HIP1: variants seen among roughly 807,000 people sequenced by gnomAD.
HIP1 encodes the protein huntingtin-interacting protein 1.
A neutral mutation model predicts 147.6 loss-of-function variants in HIP1; 65 were observed. The observed-to-expected ratio is 0.44, with a 90% confidence interval of 0.36 to 0.54. The LOEUF is 0.54. HIP1 is among the 20% of genes least tolerant of loss of function. The pLI is 0.00. For synonymous variants in HIP1, 479 were observed against 504.0 expected (o/e 0.95, Z 0.67); for missense variants, 1,061 against 1,299.6 (o/e 0.82, Z 2.82).
intron 1 of HIP1, among the ~76,000 whole-genome samples, chr7:75,683,102 C>T (rs1800146347): frequency 6.6e-6 from 1 of 152,040 alleles, no homozygotes; most frequent in Admixed American, 6.6e-5. Context: ...CTTGCTCAGC[C>T]TCCCGAGCAG....
chr7:75,700,340 G>A (rs1465971563), intron 1 of HIP1, among the ~76,000 whole-genome samples: 1 of 152,150 alleles, frequency 6.6e-6, no homozygotes, highest in Non-Finnish European at 1.5e-5. Flanking sequence ...CTGACTTGTG[G>A]CGCCTGGCCC....
At chr7:75,539,507 A>T (rs1479001697) in intron 29 of HIP1, 76 bp from the exon 30 acceptor site, 1 of 1,223,728 alleles carries the variant, frequency 8.2e-7, no homozygotes, top group Non-Finnish European at 1.2e-6. Context: ...TTTTATAGAG[A>T]TGGGGTCTTG....
intron 1 of HIP1, among the ~76,000 whole-genome samples, chr7:75,722,130 C>A (rs1366207354): frequency 1.3e-5 from 2 of 151,888 alleles, no homozygotes; most frequent in African/African-American, 4.8e-5. Flanking sequence ...ATAGTGAGAC[C>A]CCCCCACGTC....
At chr7:75,584,390 C>T (rs1438556114) in intron 5 of HIP1, among the ~76,000 whole-genome samples, 1 of 152,176 alleles carries the variant, frequency 6.6e-6, no homozygotes, top group Admixed American at 6.6e-5. Context: ...CTTCCCCACT[C>T]TTGTATCGCT....
chr7:75,548,177 C>T (rs782557760), intron 23 of HIP1, among the ~76,000 whole-genome samples: 19 of 152,062 alleles, frequency 1.2e-4, no homozygotes, highest in Admixed American at 7.9e-4. Flanking sequence ...TACAGGCACG[C>T]GCCACCACGC....
Position 75,549,009 on chromosome 7 carries a change from C to T in HIP1, c.2296-8G>A. The T allele has an allele frequency of 1.3e-6, 2 of 1,597,730 alleles. No homozygotes were observed. Among genetic ancestry groups the T allele is most frequent in the East Asian group, 2.2e-5 (1 of 44,786 alleles). Reference sequence around the variant, plus strand: ...TCCCCTGGGCAGGAGCTCCTGTGAACACATCACAAAGGCTGAACTGACCTT... The same window carrying T: ...TCCCCTGGGCAGGAGCTCCTGTGAATACATCACAAAGGCTGAACTGACCTT... On this transcript the variant is annotated splice_region_variant and splice_polypyrimidine_tract_variant and intron_variant, in intron 22 of 30. Coordinates refer to ENST00000336926, the MANE Select transcript of HIP1 (RefSeq NM_005338.7).
chr7:75,731,209 G>A (rs1801826749), intron 1 of HIP1, among the ~76,000 whole-genome samples: 1 of 151,734 alleles, frequency 6.6e-6, no homozygotes, highest in Non-Finnish European at 1.5e-5. Flanking sequence ...TGGGCCAGGC[G>A]CAGTTGCTCC....
Position 75,559,715 on chromosome 7 carries a change from C to T in HIP1, c.1375+17G>A. 2.5e-6 allele frequency: 3 copies of T among 1,207,612 alleles called. No homozygotes were observed. Among genetic ancestry groups the T allele is most frequent in the Non-Finnish European group, 3.4e-6 (3 of 877,336 alleles). 74.8% of individuals were successfully genotyped at this position (1,207,612 alleles called of 1,614,324 possible). On this transcript the variant is annotated intron_variant, in intron 14 of 30. Transcript: ENST00000336926. ...GCCTGCCCCCGGGGCCCGCCCCCGCCCCCACCCACCGCTCACTTTCTATCT... is the reference window on the plus strand; with the variant it reads ...GCCTGCCCCCGGGGCCCGCCCCCGCTCCCACCCACCGCTCACTTTCTATCT...
chr7:75,700,302 G>C (rs1391163501), intron 1 of HIP1, among the ~76,000 whole-genome samples: 1 of 152,102 alleles, frequency 6.6e-6, no homozygotes, highest in South Asian at 2.1e-4. Context: ...AGAGCAACTC[G>C]AACCCAGCAA....
rs3801475 is a variant in HIP1, at chr7:75,565,503, G to C, written c.804-2240C>G. 1.4e-3 allele frequency among the ~76,000 whole-genome samples: 210 copies of C among 152,318 alleles called. 3 individuals are homozygous for C. The East Asian group carries it at 0.027, about 20-fold the overall frequency. On this transcript the variant is annotated intron_variant, in intron 9 of 30. Coordinates refer to ENST00000336926, the MANE Select transcript of HIP1 (RefSeq NM_005338.7). ...TTCTCAAATGGAACAGGGGTACCAG[G>C]AGGTGGGTACAACCACACACTTGTC... is the stretch of plus-strand genomic sequence containing the variant.
rs202174235 is a variant in HIP1, at chr7:75,562,992, G to A, written c.963C>T (p.Pro321=). The change falls in exon 11 of 31, where the codon CCC becomes CCT. Residue 321 remains proline (P), a synonymous_variant. Coordinates refer to ENST00000336926, the MANE Select transcript of HIP1 (RefSeq NM_005338.7). Reference sequence around the variant, plus strand: ...CCTTCTCTAGGACTGGCTCGCTGTCGGGGGATGAGGCCTCTGCAGGGATCA... The same window carrying A: ...CCTTCTCTAGGACTGGCTCGCTGTCAGGGGATGAGGCCTCTGCAGGGATCA... ...VVVIPAEASS[P]DSEPVLEKDD... 2.7e-5 allele frequency: 43 copies of A among 1,614,154 alleles called. No homozygotes were observed. The highest frequency in any genetic ancestry group is 1.8e-4 in the South Asian group (16 of 91,084).
chr7:75,715,774 C>CAAAAAAAAAA (rs34769081), intron 1 of HIP1, among the ~76,000 whole-genome samples: 2,220 of 36,720 alleles, frequency 0.06, 271 homozygotes, highest in Non-Finnish European at 0.075. Context: ...GATCCTGTCT[C>CAAAAAAAAAA]AAAAAAAAAA....
At chr7:75,714,447 CT>C (rs1380057212) in intron 1 of HIP1, among the ~76,000 whole-genome samples, 1 of 122,640 alleles carries the variant, frequency 8.2e-6, no homozygotes, top group South Asian at 2.7e-4. Flanking sequence ...TAACTAACAT[CT>C]TTTTTTCTTT....
At chr7:75,647,687 G>A (rs1031004371) in intron 1 of HIP1, among the ~76,000 whole-genome samples, 1 of 152,248 alleles carries the variant, frequency 6.6e-6, no homozygotes, top group Non-Finnish European at 1.5e-5. Flanking sequence ...GTGCATGGCT[G>A]CTCCAAGGCC....
At chr7:75,698,835 C>A (rs952428646) in intron 1 of HIP1, among the ~76,000 whole-genome samples, 1 of 150,800 alleles carries the variant, frequency 6.6e-6, no homozygotes, top group African/African-American at 2.5e-5. Flanking sequence ...AAAAAAAAAT[C>A]TATTATATGC....
chr7:75,577,333 A>AAAAAAAAAAC (rs1795881240), intron 7 of HIP1, among the ~76,000 whole-genome samples: 1 of 74,142 alleles, frequency 1.3e-5, no homozygotes, highest in Non-Finnish European at 2.4e-5. Context: ...TCCCATCTCC[A>AAAAAAAAAAC]AAAAAAAAAA....
intron 1 of HIP1, among the ~76,000 whole-genome samples, chr7:75,679,044 C>A (rs1470129248): frequency 6.6e-6 from 1 of 152,116 alleles, no homozygotes; most frequent in African/African-American, 2.4e-5. Flanking sequence ...AAACTGGGGT[C>A]GCTAACTTAA....
chr7:75,544,345 A>C (rs1315021447), intron 27 of HIP1, among the ~76,000 whole-genome samples: 1 of 151,720 alleles, frequency 6.6e-6, no homozygotes, highest in Non-Finnish European at 1.5e-5. Context: ...TCTAACTCCT[A>C]AGTAGTCTCT....
At chr7:75,701,446 G>A (rs529407961) in intron 1 of HIP1, among the ~76,000 whole-genome samples, 1 of 151,972 alleles carries the variant, frequency 6.6e-6, no homozygotes, top group South Asian at 2.1e-4. Context: ...TGGTGACTCA[G>A]GCCTGTAATC....
Sources: allele counts gnomAD v4.1 joint callset (sites outside exome capture counted in the v4.1 genomes callset), GRCh38; gene constraint gnomAD v4.1.1; transcripts MANE v1.5; gene names NCBI Gene and HGNC (gene_info 2026-07-23, HGNC 2026-07-21).